IGFL2: variants seen among roughly 807,000 people sequenced by gnomAD.
IGFL2 encodes the protein insulin growth factor-like family member 2.
In IGFL2, 7 loss-of-function variants were observed where a neutral mutation model predicts 13.9. The observed-to-expected ratio is 0.51, with a 90% CI of 0.29 to 0.95. The LOEUF (loss-of-function observed/expected upper bound fraction) is 0.95. Among genes scored for constraint, IGFL2 ranks in the 40% least tolerant of loss-of-function variants. The probability of loss-of-function intolerance (pLI) is 0.08; values close to 1 mark genes in which losing one functional copy is unlikely to be tolerated. For missense variants in IGFL2, 138 were observed against 147.8 expected (o/e 0.93, Z 0.34); for synonymous variants, 55 against 55.8 (o/e 0.99, Z 0.07).
At chr19:46,158,431 G>C (rs1266355519) in intron 1 of IGFL2, among the ~76,000 whole-genome samples, 2 of 151,786 alleles carry the variant, frequency 1.3e-5, no homozygotes, top group African/African-American at 4.8e-5. Context: ...GGACGGTCTT[G>C]ATCTCCTGAC....
the IGFL2 span, among the ~76,000 whole-genome samples, chr19:46,186,866 A>T: frequency 6.6e-6 from 1 of 152,228 alleles, no homozygotes; most frequent in African/African-American, 2.4e-5. Flanking sequence ...GAAAGACAAG[A>T]TGCCTGCTCT....
chr19:46,154,007 G>A (rs1973667220), intron 1 of IGFL2, among the ~76,000 whole-genome samples: 1 of 151,714 alleles, frequency 6.6e-6, no homozygotes. Context: ...ACCCTGACAG[G>A]CCCCTGGGTG....
intron 1 of IGFL2, among the ~76,000 whole-genome samples, chr19:46,156,663 T>C (rs1046563358): frequency 3.6e-4 from 55 of 152,264 alleles, no homozygotes; most frequent in African/African-American, 1.2e-3. Context: ...GTGAAACTTA[T>C]TGTGCTAAAT....
At chr19:46,162,713 T>C (rs1974221783), downstream of IGFL2, among the ~76,000 whole-genome samples, 2 of 152,238 alleles carry the variant, frequency 1.3e-5, no homozygotes, top group African/African-American at 4.8e-5. Flanking sequence ...ATTGTGACTC[T>C]TGTTTTCCTT....
chr19:46,172,230 A>C, the IGFL2 span, among the ~76,000 whole-genome samples: 1 of 152,166 alleles, frequency 6.6e-6, no homozygotes, highest in Non-Finnish European at 1.5e-5. Flanking sequence ...CTGATTATCA[A>C]GGGGGGAATT....
the IGFL2 span, among the ~76,000 whole-genome samples, chr19:46,099,456 T>C: frequency 0.013 from 2,018 of 152,124 alleles, 32 homozygotes; most frequent in Middle Eastern, 0.027. Flanking sequence ...TTTCATGTAC[T>C]CCTATCAGTC....
upstream of IGFL2, among the ~76,000 whole-genome samples, chr19:46,143,909 T>C (rs1972982603): frequency 6.6e-6 from 1 of 152,238 alleles, no homozygotes; most frequent in Non-Finnish European, 1.5e-5. Flanking sequence ...CTGTTATTTG[T>C]TGAATGCCCC....
chr19:46,126,296 TG>T, the IGFL2 span, among the ~76,000 whole-genome samples: 5 of 152,370 alleles, frequency 3.3e-5, no homozygotes, highest in East Asian at 9.6e-4. Context: ...TTGGTTCCTG[TG>T]CTTTCTTACA....
chr19:46,151,023 A>G (rs934186698), intron 1 of IGFL2, among the ~76,000 whole-genome samples: 1 of 152,116 alleles, frequency 6.6e-6, no homozygotes, highest in African/African-American at 2.4e-5. Context: ...TCTAAAACCT[A>G]TCTTTCCTGT....
At chr19:46,210,781 C>T in the IGFL2 span, among the ~76,000 whole-genome samples, 46 of 152,342 alleles carry the variant, frequency 3.0e-4, no homozygotes, top group East Asian at 4.8e-3. Context: ...TTTGGCAACA[C>T]CCCTACAGAC....
At chr19:46,133,225 G>A in the IGFL2 span, among the ~76,000 whole-genome samples, 2 of 152,098 alleles carry the variant, frequency 1.3e-5, no homozygotes, top group Non-Finnish European at 2.9e-5. Context: ...ATGGGTGCTC[G>A]GTGTCACAAA....
chr19:46,201,405 G>A, the IGFL2 span, among the ~76,000 whole-genome samples: 4 of 152,186 alleles, frequency 2.6e-5, no homozygotes, highest in African/African-American at 7.2e-5. Flanking sequence ...CAGCTTTGTC[G>A]AAACAGGCAC....
At chr19:46,125,392 A>T in the IGFL2 span, among the ~76,000 whole-genome samples, 1 of 152,216 alleles carries the variant, frequency 6.6e-6, no homozygotes, top group Non-Finnish European at 1.5e-5. Context: ...TGTAGTACTT[A>T]GGAGTGTGTA....
upstream of IGFL2, chr19:46,148,221 G>A (rs1973243133): frequency 1.3e-6 from 2 of 1,506,880 alleles, no homozygotes; most frequent in East Asian, 2.5e-5. Flanking sequence ...ATAAGTCCCT[G>A]TATAAAGTCA....
chr19:46,154,620 A>AT (rs1293176416), intron 1 of IGFL2, among the ~76,000 whole-genome samples: 46 of 146,318 alleles, frequency 3.1e-4, no homozygotes, highest in East Asian at 2.8e-3. Context: ...ATTTTTTTGT[A>AT]TTTTTTTTTT....
At chr19:46,080,584 A>G in the IGFL2 span, among the ~76,000 whole-genome samples, 1 of 152,214 alleles carries the variant, frequency 6.6e-6, no homozygotes, top group Non-Finnish European at 1.5e-5. Flanking sequence ...ATCATGAGTT[A>G]AAGAAATAAC....
the IGFL2 span, among the ~76,000 whole-genome samples, chr19:46,094,391 A>AAT: frequency 6.6e-6 from 1 of 152,164 alleles, no homozygotes; most frequent in African/African-American, 2.4e-5. Context: ...GCAATGTATG[A>AAT]ATATATATGT....
chr19:46,152,313 A>G lies in IGFL2; in HGVS notation c.19+4016A>G, dbSNP rs191941913. Among the ~76,000 whole-genome samples the G allele has an allele frequency of 4.1e-3, 587 of 142,652 alleles. 2 individuals carry two copies. The highest frequency in any genetic ancestry group is 0.013 in the African/African-American group (503 of 38,278). The allele number at this position is 142,652 out of a possible 152,430, so 93.6% of individuals were successfully genotyped here. A position where few individuals can be genotyped will look rare whatever the true frequency, so the allele number is the denominator to read the frequency against. ...CTTTTTTGAGACAGAATCTCACTCT[A>G]TCATGCAGGGTGGCGTGCAGTGGTG... is the stretch of plus-strand genomic sequence containing the variant. On this transcript the variant is annotated intron_variant, in intron 1 of 3. Coordinates refer to ENST00000377693, the MANE Select transcript of IGFL2 (RefSeq NM_001135113.2).
chr19:46,137,126 G>A, the IGFL2 span: 6 of 1,608,956 alleles, frequency 3.7e-6, no homozygotes, highest in African/African-American at 2.7e-5. Context: ...TGGCCCAGAT[G>A]TACAGGAATG....
Sources: gnomAD v4.1 joint callset for allele counts (sites outside exome capture counted in the v4.1 genomes callset) on GRCh38, gnomAD v4.1.1 for gene constraint, MANE v1.5 for transcripts, NCBI Gene and HGNC (gene_info 2026-07-23, HGNC 2026-07-21) for gene names.